ZNF284: variants seen among roughly 807,000 people sequenced by gnomAD.
The protein encoded by ZNF284 is zinc finger protein 284.
Under a neutral mutation model 12.9 loss-of-function variants are expected in ZNF284, and 12 were observed. The observed-to-expected ratio is 0.93, with a 90% CI of 0.60 to 1.51. ZNF284 has a LOEUF of 1.51. Among genes scored for constraint, ZNF284 ranks in the 40% most tolerant of loss-of-function variants. The probability of loss-of-function intolerance (pLI) is 0.00; values close to 1 mark genes in which losing one functional copy is unlikely to be tolerated. For synonymous variants in ZNF284, 225 were observed against 236.5 expected (o/e 0.95, Z 0.45); for missense variants, 667 against 707.3 (o/e 0.94, Z 0.65).
At position 44,089,612 on chromosome 19, in the gene ZNF284, C is replaced by T. The variant is rs1483693912; in HGVS notation, c.*2352C>T. ...CTTAATAAACGTGAAGACTTTAATC[C>T]ATCTGAAGGTGCATCACATTTCTGA... On this transcript the variant is annotated 3_prime_UTR_variant, in exon 5 of 5. Transcript: ENST00000421176. 1.3e-5 allele frequency: 2 copies of T among 152,070 alleles called. No homozygotes were observed. The highest frequency in any genetic ancestry group is 4.8e-5 in the African/African-American group (2 of 41,392). The allele number at this position is 152,070 out of a possible 1,614,324, so 9.4% of individuals were successfully genotyped here. A position where few individuals can be genotyped will look rare whatever the true frequency, so the allele number is the denominator to read the frequency against.
In ZNF284 at chr19:44,081,155, C is replaced by T. The variant is rs745655865; in HGVS notation, c.142+14C>T. ...TGCTATCAGTGGGTGAGCACAGGCA[C>T]CCTCTGTAATGGAACATCAGGCCCC... On this transcript the variant is annotated intron_variant, in intron 3 of 4. Coordinates refer to ENST00000421176, the MANE Select transcript of ZNF284 (RefSeq NM_001037813.4). 5.6e-6 allele frequency: 9 copies of T among 1,606,398 alleles called. No homozygotes were observed. Among genetic ancestry groups the T allele is most frequent in the South Asian group, 2.2e-5 (2 of 90,752 alleles).
At position 44,079,680 on chromosome 19, in the gene ZNF284, C is replaced by G. The variant is rs564552375; in HGVS notation, c.16-1335C>G. 3.8e-4 allele frequency among the ~76,000 whole-genome samples: 58 copies of G among 152,124 alleles called. No homozygotes were observed. The South Asian group carries it at 8.3e-3, about 22-fold the overall frequency. The stretch of plus-strand genomic sequence containing the variant: ...CTGAGATTGCACCACTGCACTCCAG[C>G]CTGGGGACAGAGTGAGACTCCATCT... On this transcript the variant is annotated intron_variant, in intron 2 of 4. Coordinates refer to ENST00000421176, the MANE Select transcript of ZNF284 (RefSeq NM_001037813.4).
At chr19:44,079,432 G>A (rs957416185) in intron 2 of ZNF284, among the ~76,000 whole-genome samples, 4 of 151,936 alleles carry the variant, frequency 2.6e-5, no homozygotes, top group Non-Finnish European at 5.9e-5. Flanking sequence ...CATCTCCACC[G>A]GGTGTGGTGG....
chr19:44,078,486 C>T (rs1223246315), intron 2 of ZNF284, among the ~76,000 whole-genome samples: 1 of 152,150 alleles, frequency 6.6e-6, no homozygotes, highest in Admixed American at 6.5e-5. Context: ...TCTTTAGAGA[C>T]AGAGTTTTGC....
Position 44,085,926 on chromosome 19 carries a change from G to A in ZNF284, c.448G>A (p.Gly150Arg), listed in dbSNP as rs1450657850. The A allele has an allele frequency of 6.2e-7, 1 of 1,614,048 alleles. No individual in the cohort carries two copies. The highest frequency in any genetic ancestry group is 8.5e-7 in the Non-Finnish European group (1 of 1,180,024). ...CATAGGAGAGACACCTTCTGAGCAT[G>A]GGAAGTGTAAAAAATTCTTCAGTGA... The part of the protein sequence containing the change: ...IHIGETPSEH[G>R]KCKKFFSDVS... Residue 150 changes from glycine (G) to arginine (R), a missense_variant, in exon 5 of 5, where the codon GGG (glycine) becomes AGG (arginine). Physicochemically the swap from Gly to Arg is moderately radical, Grantham distance 125. Coordinates refer to ENST00000421176, the MANE Select transcript of ZNF284 (RefSeq NM_001037813.4).
chr19:44,076,412 A>T lies in ZNF284; in HGVS notation c.15+8A>T, dbSNP rs1967028622. 1 of 1,608,710 alleles carries T rather than the reference A, an allele frequency of 6.2e-7. No individual in the cohort carries two copies. Among genetic ancestry groups the T allele is most frequent in the Non-Finnish European group, 8.5e-7 (1 of 1,177,104 alleles). On this transcript the variant is annotated splice_region_variant and intron_variant, in intron 2 of 4. Transcript: ENST00000421176. Reference sequence around the variant, plus strand: ...AAAATGACCATGTTCAAGGTGAGTAAGTCTGGTCTCTTTTGCTGTTCAGAT... The same window carrying T: ...AAAATGACCATGTTCAAGGTGAGTATGTCTGGTCTCTTTTGCTGTTCAGAT...
intron 2 of ZNF284, among the ~76,000 whole-genome samples, chr19:44,077,012 G>T (rs905735968): frequency 6.6e-6 from 1 of 152,060 alleles, no homozygotes; most frequent in African/African-American, 2.4e-5. Flanking sequence ...TAGAGACGGG[G>T]TTTCACCATG....
intron 3 of ZNF284, 124 bp from the exon 4 acceptor site, chr19:44,081,889 G>T: frequency 3.0e-6 from 2 of 667,328 alleles, no homozygotes; most frequent in Non-Finnish European, 5.1e-6. Flanking sequence ...TACAATTCAA[G>T]ATGAGATTTG....
chr19:44,076,018 G>A (rs1967020086), intron 1 of ZNF284, among the ~76,000 whole-genome samples: 1 of 152,058 alleles, frequency 6.6e-6, no homozygotes, highest in Non-Finnish European at 1.5e-5. Context: ...CACAGTCCAT[G>A]GGTTTTTGTG....
chr19:44,079,197 G>A (rs1967078802), intron 2 of ZNF284, among the ~76,000 whole-genome samples: 2 of 152,140 alleles, frequency 1.3e-5, no homozygotes, highest in African/African-American at 2.4e-5. Flanking sequence ...TCATTATTTA[G>A]AATAAAGATA....
At chr19:44,078,299 A>G (rs1490055302) in intron 2 of ZNF284, among the ~76,000 whole-genome samples, 1 of 152,236 alleles carries the variant, frequency 6.6e-6, no homozygotes, top group East Asian at 1.9e-4. Flanking sequence ...AATCACAGGA[A>G]ATTTGATAAT....
Position 44,082,096 on chromosome 19 carries a change from G to T in ZNF284, c.226G>T (p.Gly76Trp), listed in dbSNP as rs367985070. ...WIMETATQRE[G>W]NSGGKIQTEL... ...CATGGAGACAGCAACCCAAAGAGAA[G>T]GGAATTCAGGTAAGAACCAAGCAAC... Residue 76 changes from glycine (G) to tryptophan (W), a missense_variant, in exon 4 of 5, where the codon GGG (glycine) becomes TGG (tryptophan). Gly to Trp is a radical substitution (Grantham distance 184). Coordinates refer to ENST00000421176, the MANE Select transcript of ZNF284 (RefSeq NM_001037813.4). The T allele has an allele frequency of 6.2e-7, 1 of 1,612,592 alleles. No homozygotes were observed. The highest frequency in any genetic ancestry group is 1.1e-5 in the South Asian group (1 of 91,008).
At chr19:44,085,628 G>T in intron 4 of ZNF284, 86 bp from the exon 5 acceptor site, 1 of 1,231,276 alleles carries the variant, frequency 8.1e-7, no homozygotes, top group Admixed American at 2.2e-5. Flanking sequence ...ATTCAGTAAA[G>T]TTTCAGGCCA....
intron 1 of ZNF284, among the ~76,000 whole-genome samples, chr19:44,074,716 T>G (rs1161996216): frequency 6.6e-6 from 1 of 152,044 alleles, no homozygotes; most frequent in African/African-American, 2.4e-5. Context: ...TGTCTGTAAT[T>G]GTAGCACTTT....
rs776462834 is a variant in ZNF284 at position 44,086,226 on chromosome 19, T to G, written c.748T>G (p.Cys250Gly). Residue 250 changes from cysteine (C) to glycine (G), a missense_variant, in exon 5 of 5, where the codon TGC becomes GGC. Physicochemically the swap from Cys to Gly is radical, Grantham distance 159. Coordinates refer to ENST00000421176, the MANE Select transcript of ZNF284 (RefSeq NM_001037813.4). The part of the protein sequence containing the change: ...FSRRSGMYVH[C>G]KLHTGEKPHI... ...CCGTAGATCAGGAATGTATGTTCAT[T>G]GCAAATTACACACAGGAGAAAAACC... 1 of 1,614,202 alleles carries G rather than the reference T, an allele frequency of 6.2e-7. No homozygotes were observed. The highest frequency in any genetic ancestry group is 1.7e-5 in the Admixed American group (1 of 60,022).
chr19:44,080,318 C>T (rs1477665506), intron 2 of ZNF284, among the ~76,000 whole-genome samples: 2 of 152,124 alleles, frequency 1.3e-5, no homozygotes, highest in East Asian at 1.9e-4. Flanking sequence ...AAAAATGGGC[C>T]GGGTGTGGTG....
At chr19:44,085,572 G>T in intron 4 of ZNF284, 142 bp from the exon 5 acceptor site, 1 of 714,744 alleles carries the variant, frequency 1.4e-6, no homozygotes, top group East Asian at 2.6e-5. Context: ...TCGTGACAAC[G>T]AGAGACCGTG....
intron 4 of ZNF284, among the ~76,000 whole-genome samples, chr19:44,084,543 CA>C (rs1967194297): frequency 6.6e-6 from 1 of 152,168 alleles, no homozygotes; most frequent in Non-Finnish European, 1.5e-5. Flanking sequence ...TTAGAGGCAG[CA>C]GCCCCAGACA....
At chr19:44,082,747 C>G (rs1343249603) in intron 4 of ZNF284, among the ~76,000 whole-genome samples, 1 of 152,142 alleles carries the variant, frequency 6.6e-6, no homozygotes, top group Non-Finnish European at 1.5e-5. Context: ...AAAGCAGCTA[C>G]ATTGCATCTC....
Sources: gnomAD v4.1 joint callset for allele counts (sites outside exome capture counted in the v4.1 genomes callset) on GRCh38, gnomAD v4.1.1 for gene constraint, MANE v1.5 for transcripts, NCBI Gene and HGNC (gene_info 2026-07-23, HGNC 2026-07-21) for gene names.